Variants in SMPD4 observed in about 807,000 individuals in gnomAD.
SMPD4 encodes the protein neutral sphingomyelinase 3.
A neutral mutation model predicts 97.8 loss-of-function variants in SMPD4; 58 were observed. The observed-to-expected ratio is 0.59, with a 90% CI of 0.48 to 0.74. The LOEUF is 0.74. Among genes scored for constraint, SMPD4 ranks in the 30% least tolerant of loss-of-function variants. The pLI, the probability that SMPD4 is intolerant of heterozygous loss-of-function variation, is 0.00. For synonymous variants in SMPD4, 388 were observed against 450.0 expected (o/e 0.86, Z 1.74); for missense variants, 853 against 1,080.5 (o/e 0.79, Z 2.95).
At chr2:130,174,053 C>T (rs562090039) in intron 3 of SMPD4, among the ~76,000 whole-genome samples, 1 of 152,184 alleles carries the variant, frequency 6.6e-6, no homozygotes, top group African/African-American at 2.4e-5. Context: ...CAAGGTCTCA[C>T]TCTGTTGCCC....
At position 130,156,015 on chromosome 2, in the gene SMPD4, T is replaced by A; in HGVS notation, c.1289+20A>T. 1 of 1,607,986 alleles carries A rather than the reference T, an allele frequency of 6.2e-7. No individual in the cohort carries two copies. Among genetic ancestry groups the A allele is most frequent in the Non-Finnish European group, 8.5e-7 (1 of 1,177,142 alleles). Reference sequence around the variant, plus strand: ...CCTGGGGGAGCCAGTGGCATGTCTGTGAGAGGAGCTGAGGCTCACCATTTC... The same window carrying A: ...CCTGGGGGAGCCAGTGGCATGTCTGAGAGAGGAGCTGAGGCTCACCATTTC... On this transcript the variant is annotated intron_variant, in intron 14 of 19. Coordinates refer to ENST00000680298, the MANE Select transcript of SMPD4 (RefSeq NM_017951.5).
rs1687676286 is a variant in SMPD4 at position 130,163,945 on chromosome 2, T to G, written c.864+429A>C. 2.0e-5 allele frequency among the ~76,000 whole-genome samples: 3 copies of G among 152,006 alleles called. No individual in the cohort carries two copies. In the South Asian group the frequency reaches 6.2e-4, roughly 32 times the overall value. On this transcript the variant is annotated intron_variant, in intron 10 of 19. Transcript: ENST00000680298. Reference sequence around the variant, plus strand: ...CTCTGGAGAAGGTGGGGGAGTAGGGTGAGCAGGCAAAGGAGGCTCCAGGCC... The same window carrying G: ...CTCTGGAGAAGGTGGGGGAGTAGGGGGAGCAGGCAAAGGAGGCTCCAGGCC...
chr2:130,176,964 A>C (rs1039721181), intron 1 of SMPD4, among the ~76,000 whole-genome samples: 1 of 152,208 alleles, frequency 6.6e-6, no homozygotes, highest in African/African-American at 2.4e-5. Context: ...TGTTGGGGTT[A>C]CAGGTGTGAG....
At chr2:130,166,459 A>C (rs1687937118) in intron 9 of SMPD4, among the ~76,000 whole-genome samples, 1 of 152,092 alleles carries the variant, frequency 6.6e-6, no homozygotes. Context: ...TCTGGGCATC[A>C]TGGTCCCCTC....
intron 11 of SMPD4, chr2:130,159,770 G>C (rs1052697971): frequency 6.6e-5 from 10 of 152,220 alleles, no homozygotes; most frequent in Admixed American, 2.6e-4. Flanking sequence ...TCTCAGCCCA[G>C]GCCCTCCCTC....
At chr2:130,167,414 G>A (rs1228708325) in intron 9 of SMPD4, 44 bp downstream of exon 9, 1 of 1,611,106 alleles carries the variant, frequency 6.2e-7, no homozygotes, top group African/African-American at 1.3e-5. Flanking sequence ...GAGCCACCAT[G>A]CCCAGCTGGC....
Position 130,155,162 on chromosome 2 carries a change from C to CGT in SMPD4, c.1385_1386dup (p.Ala463ThrfsTer20), listed in dbSNP as rs1558740979. 1.2e-6 allele frequency: 2 copies of CGT among 1,614,214 alleles called. No individual in the cohort carries two copies. The highest frequency in any genetic ancestry group is 3.3e-5 in the Admixed American group (2 of 60,028). ...TTGGCCACTCGGAACACCATGAGCG[C>CGT]GTGCTTGGGGCTGACCAGGTCTGTG... is the stretch of plus-strand genomic sequence containing the variant. On this transcript the variant is annotated frameshift_variant, in exon 15 of 20. Coordinates refer to ENST00000680298, the MANE Select transcript of SMPD4 (RefSeq NM_017951.5). LOFTEE classifies it high-confidence loss of function.
chr2:130,167,697 T>C (rs1295861917), intron 8 of SMPD4, 107 bp from the exon 9 acceptor site: 4 of 1,271,244 alleles, frequency 3.1e-6, no homozygotes, highest in Non-Finnish European at 4.3e-6. Flanking sequence ...CAGGGACAGA[T>C]TACAACTTGT....
intron 5 of SMPD4, 93 bp from the exon 6 acceptor site, chr2:130,172,988 C>T (rs1205879542): frequency 6.7e-7 from 1 of 1,493,634 alleles, no homozygotes; most frequent in African/African-American, 1.4e-5. Flanking sequence ...TTTGGGAAGG[C>T]TGCTGGGGAA....
intron 3 of SMPD4, 140 bp from the exon 4 acceptor site, chr2:130,173,796 A>T: frequency 9.0e-7 from 1 of 1,117,042 alleles, no homozygotes; most frequent in Non-Finnish European, 1.3e-6. Flanking sequence ...CCTGCACCCA[A>T]AGGAAGCCTG....
intron 4 of SMPD4, 53 bp from the exon 5 acceptor site, chr2:130,173,407 T>G: frequency 1.9e-6 from 3 of 1,603,348 alleles, no homozygotes; most frequent in Non-Finnish European, 2.6e-6. Context: ...AACTGCGAAT[T>G]ATCTTGCTTT....
intron 2 of SMPD4, among the ~76,000 whole-genome samples, chr2:130,175,315 C>T (rs1479540698): frequency 5.3e-5 from 8 of 152,160 alleles, no homozygotes; most frequent in African/African-American, 1.7e-4. Context: ...GTCAGCCCCA[C>T]AGCCAGAAGA....
intron 1 of SMPD4, among the ~76,000 whole-genome samples, chr2:130,178,450 G>C (rs921879351): frequency 6.6e-6 from 1 of 152,150 alleles, no homozygotes; most frequent in Non-Finnish European, 1.5e-5. Flanking sequence ...GCAATGAACG[G>C]AGGGGAAGAG....
In SMPD4 at chr2:130,174,979, T is replaced by C. The variant is rs1215106660; in HGVS notation, c.61A>G (p.Ile21Val). Residue 21 changes from isoleucine to valine, a missense_variant, in exon 3 of 20, where the codon ATA becomes GTA. By Grantham distance (29) the Ile-to-Val change is conservative (BLOSUM62 3). Coordinates refer to ENST00000680298, the MANE Select transcript of SMPD4 (RefSeq NM_017951.5). Reference protein sequence around the residue: ...FLLASLKADSINKPFAQQCQD... With the variant: ...FLLASLKADSVNKPFAQQCQD... ...CACTGCTGTGCAAAGGGCTTATTTA[T>C]AGAGTCAGCTTTCAGGCTAGCCTAG... is the stretch of plus-strand genomic sequence containing the variant. 24 of 1,607,756 alleles carry C rather than the reference T, an allele frequency of 1.5e-5. No individual in the cohort carries two copies. Among genetic ancestry groups the C allele is most frequent in the East Asian group, 2.2e-5 (1 of 44,656 alleles).
intron 8 of SMPD4, among the ~76,000 whole-genome samples, chr2:130,168,866 C>T (rs1212129367): frequency 1.3e-5 from 2 of 151,816 alleles, no homozygotes; most frequent in East Asian, 1.9e-4. Flanking sequence ...GGATTACAGG[C>T]GCACACCACC....
intron 2 of SMPD4, 142 bp downstream of exon 2, chr2:130,176,412 T>A: frequency 1.6e-6 from 1 of 616,772 alleles, no homozygotes; most frequent in Non-Finnish European, 2.8e-6. Flanking sequence ...ACAGTCAAGT[T>A]AAGGAGTCTG....
intron 8 of SMPD4, among the ~76,000 whole-genome samples, chr2:130,169,704 C>A (rs2104882827): frequency 6.6e-6 from 1 of 152,150 alleles, no homozygotes; most frequent in South Asian, 2.1e-4. Context: ...CATAGTTGCA[C>A]ATCACCATAC....
At chr2:130,157,439 C>T (rs1207588614) in intron 11 of SMPD4, 43 bp from the exon 12 acceptor site, 1 of 1,609,492 alleles carries the variant, frequency 6.2e-7, no homozygotes, top group Non-Finnish European at 8.5e-7. Flanking sequence ...AGGAGCGTGG[C>T]ACCCATAGCA....
chr2:130,152,704 T>G lies in SMPD4; in HGVS notation c.2335A>C (p.Thr779Pro). ...AAGGCCAGCAGCAGCGAGACCAGCG[T>G]CCGGTAACTGCCCAGGAAGCGCAGG... Reference protein sequence around the residue: ...LSLRFLGSYRTLVSLLLAFFV... With the variant: ...LSLRFLGSYRPLVSLLLAFFV... Residue 779 changes from threonine (T) to proline (P), a missense_variant, in exon 20 of 20, where the codon ACG becomes CCG. By Grantham distance (38) the Thr-to-Pro change is conservative. This residue lies in a region of SMPD4 where 511 missense variants were observed against 608.1 expected (regional missense o/e 0.84). Coordinates refer to ENST00000680298, the MANE Select transcript of SMPD4 (RefSeq NM_017951.5). 1 of 1,577,108 alleles carries G rather than the reference T, an allele frequency of 6.3e-7. No homozygotes were observed.
Sources: gnomAD v4.1 joint callset for allele counts (sites outside exome capture counted in the v4.1 genomes callset) on GRCh38, gnomAD v4.1.1 for gene constraint, gnomAD v4.1.1 regional missense constraint, MANE v1.5 for transcripts, NCBI Gene and HGNC (gene_info 2026-07-23, HGNC 2026-07-21) for gene names.